The following CELF2 variants were observed in gnomAD, a reference collection of about 807,000 sequenced individuals.
The protein encoded by CELF2 is CUGBP Elav-like family member 2.
Under a neutral mutation model 62.6 loss-of-function variants are expected in CELF2, and 8 were observed. The observed-to-expected ratio is 0.13, with a 90% CI of 0.07 to 0.23. The LOEUF (loss-of-function observed/expected upper bound fraction) is 0.23, where lower values mean the gene tolerates loss of function less well. Ranked by LOEUF, CELF2 falls within the 10% of genes least tolerant of loss-of-function variation. The pLI is 1.00. For missense variants in CELF2, 333 were observed against 671.0 expected (o/e 0.50, Z 5.56); for synonymous variants, 258 against 250.0 (o/e 1.03, Z -0.30).
rs555711245 is a variant in CELF2 at position 10,885,242 on chromosome 10, C to CAA, written c.54-34713_54-34712dup. 5.9e-3 allele frequency among the ~76,000 whole-genome samples: 784 copies of CAA among 132,018 alleles called. 2 individuals carry two copies. The highest frequency in any genetic ancestry group is 0.021 in the African/African-American group (746 of 35,644). The allele number at this position is 132,018 out of a possible 152,430, so 86.6% of individuals were successfully genotyped here. On this transcript the variant is annotated intron_variant, in intron 1 of 13. Coordinates refer to the CELF2 transcript ENST00000636488. ...TGGGTGACAGGGTGAGACACTGTCT[C>CAA]AAAAAAAAAACAAAAAAGATAAAAT... is the stretch of plus-strand genomic sequence containing the variant.
chr10:10,714,197 CA>C, the CELF2 span, among the ~76,000 whole-genome samples: 881 of 152,254 alleles, frequency 5.8e-3, 2 homozygotes, highest in Non-Finnish European at 8.1e-3. Context: ...GAAATTCCCT[CA>C]AGAAAAGCTT....
At position 11,008,145 on chromosome 10, in the gene CELF2, C is replaced by A. The variant is rs767297919; in HGVS notation, c.53+2705C>A. ...TACGTAATCTGTATCCTTCCATAAG[C>A]CTCTATATGTAATGATTCCTCAAGG... On this transcript the variant is annotated intron_variant, in intron 1 of 12. Transcript: ENST00000416382. This position sits in a 1 kb window ranked among gnomAD's most constrained non-coding sequence, Gnocchi z 4.5. Among the ~76,000 whole-genome samples, 119 of 152,280 alleles carry A rather than the reference C, an allele frequency of 7.8e-4. 2 individuals carry two copies. The highest frequency in any genetic ancestry group is 1.5e-3 in the Non-Finnish European group (100 of 68,030).
the CELF2 span, among the ~76,000 whole-genome samples, chr10:10,547,692 A>AGAGTGT: frequency 4.3e-3 from 587 of 138,098 alleles, 5 homozygotes; most frequent in African/African-American, 0.015. Flanking sequence ...AGAGAGAGAG[A>AGAGTGT]GTGTGTGTGT....
At chr10:10,708,865 T>C in the CELF2 span, among the ~76,000 whole-genome samples, 110,445 of 152,036 alleles carry the variant, frequency 0.73, 40,334 homozygotes, top group South Asian at 0.83. Flanking sequence ...CACACACCCT[T>C]ACACACACGC....
chr10:10,605,122 GGACATGGATGAA>G, the CELF2 span, among the ~76,000 whole-genome samples: 1 of 152,176 alleles, frequency 6.6e-6, no homozygotes, highest in African/African-American at 2.4e-5. Context: ...TCCTTTGCAA[GGACATGGATGAA>G]GCTGGAAGGC....
At chr10:11,169,518 T>A (rs1468864148) in intron 2 of CELF2, among the ~76,000 whole-genome samples, 1 of 151,990 alleles carries the variant, frequency 6.6e-6, no homozygotes, top group African/African-American at 2.4e-5. Flanking sequence ...CTGGGAACTG[T>A]GAATTCTCCC....
At chr10:11,325,214 G>A (rs370924481) in intron 11 of CELF2, among the ~76,000 whole-genome samples, 2 of 152,160 alleles carry the variant, frequency 1.3e-5, no homozygotes, top group African/African-American at 4.8e-5. Flanking sequence ...CAAGGCTAAC[G>A]CCCAGGAGAG....
the CELF2 span, among the ~76,000 whole-genome samples, chr10:10,596,734 G>A: frequency 2.6e-5 from 4 of 152,336 alleles, no homozygotes; most frequent in South Asian, 2.1e-4. Flanking sequence ...AAGGAAAGCC[G>A]TGACCTCAGC....
the CELF2 span, among the ~76,000 whole-genome samples, chr10:10,736,680 G>C: frequency 1.3e-5 from 2 of 151,284 alleles, no homozygotes; most frequent in African/African-American, 4.9e-5. Flanking sequence ...GGAAAATAAA[G>C]AAAAAAAATG....
At position 11,302,811 on chromosome 10, in the gene CELF2, C is replaced by T. The variant is rs150007150; in HGVS notation, c.977-11328C>T. Reference sequence around the variant, plus strand: ...GACATGAGATTTTCACATTGTTCCGCTGTGCTGCGGACAGTGGAAGTTGGA... The same window carrying T: ...GACATGAGATTTTCACATTGTTCCGTTGTGCTGCGGACAGTGGAAGTTGGA... On this transcript the variant is annotated intron_variant, in intron 9 of 12. Transcript: ENST00000633077. This position sits in a 1 kb window ranked among gnomAD's most constrained non-coding sequence, Gnocchi z 5.0. Among the ~76,000 whole-genome samples, 575 of 152,320 alleles carry T rather than the reference C, an allele frequency of 3.8e-3. 3 individuals are homozygous for T. Among genetic ancestry groups the T allele is most frequent in the African/African-American group, 0.013 (549 of 41,564 alleles).
chr10:10,573,640 A>G, the CELF2 span, among the ~76,000 whole-genome samples: 2 of 152,178 alleles, frequency 1.3e-5, no homozygotes, highest in South Asian at 4.1e-4. Context: ...ATTGATTACA[A>G]ATAAAATATG....
In CELF2 at chr10:11,017,872, G is replaced by A; in HGVS notation, c.-218G>A. ...CGGCGGCGGGCGCCCCGCGAGCTCC[G>A]CCCCCGCCCGCCGCACCTGGCGCTC... is the stretch of plus-strand genomic sequence containing the variant. On this transcript the variant is annotated 5_prime_UTR_variant, in exon 1 of 13. Transcript: ENST00000633077. The surrounding 1 kb of genome is among the most constrained non-coding windows in gnomAD (Gnocchi z 5.5). 1 of 876,808 alleles carries A rather than the reference G, an allele frequency of 1.1e-6. No individual in the cohort carries two copies. Among genetic ancestry groups the A allele is most frequent in the Non-Finnish European group, 1.4e-6 (1 of 733,058 alleles). The allele number at this position is 876,808 out of a possible 1,614,324, so 54.3% of individuals were successfully genotyped here. A position where few individuals can be genotyped will look rare whatever the true frequency, so the allele number is the denominator to read the frequency against.
intron 2 of CELF2, among the ~76,000 whole-genome samples, chr10:11,188,573 T>A (rs2075579859): frequency 1.3e-5 from 2 of 152,188 alleles, no homozygotes; most frequent in African/African-American, 4.8e-5. Flanking sequence ...TCTCTTTATG[T>A]GACTGGGTTT....
intron 1 of CELF2, among the ~76,000 whole-genome samples, chr10:10,893,855 C>T (rs573468673): frequency 5.9e-5 from 9 of 152,246 alleles, no homozygotes; most frequent in East Asian, 1.9e-4. Context: ...TCATGAGAAA[C>T]CTCCCCCCAT....
At position 11,005,413 on chromosome 10, in the gene CELF2, C is replaced by G; in HGVS notation, c.26C>G (p.Thr9Ser). 1 of 1,613,898 alleles carries G rather than the reference C, an allele frequency of 6.2e-7. No individual in the cohort carries two copies. Among genetic ancestry groups the G allele is most frequent in the Non-Finnish European group, 8.5e-7 (1 of 1,179,848 alleles). The change falls in exon 1 of 13, where the codon ACT (threonine) becomes AGT (serine). Residue 9 changes from threonine to serine, a missense_variant. Coordinates refer to the CELF2 transcript ENST00000416382. The surrounding 1 kb of genome is among the most constrained non-coding windows in gnomAD (Gnocchi z 4.3). ...ATGCGCTGTCCCAAATCCGCTGTTA[C>G]TATGAGAAATGAAGAGCTGCTTTTA...
chr10:10,898,426 G>A (rs143133483), intron 1 of CELF2, among the ~76,000 whole-genome samples: 56 of 152,282 alleles, frequency 3.7e-4, no homozygotes, highest in African/African-American at 1.3e-3. Flanking sequence ...TCTTATATCA[G>A]CCCTAAGTAA....
chr10:10,826,126 T>G (rs1317592295), intron 1 of CELF2, among the ~76,000 whole-genome samples: 1 of 151,960 alleles, frequency 6.6e-6, no homozygotes, highest in African/African-American at 2.4e-5. Flanking sequence ...CTATTTTCAC[T>G]AAATAAATAT....
At chr10:10,788,904 C>T in the CELF2 span, 8 of 152,194 alleles carry the variant, frequency 5.3e-5, no homozygotes, top group Non-Finnish European at 1.0e-4. Flanking sequence ...CCCCTATCTT[C>T]GGAGAGCTCC....
At chr10:11,172,777 C>T (rs1395041034) in intron 2 of CELF2, among the ~76,000 whole-genome samples, 1 of 152,168 alleles carries the variant, frequency 6.6e-6, no homozygotes, top group Non-Finnish European at 1.5e-5. Context: ...CGCTTTTAAC[C>T]ATTTTGTTTT....
Sources: gnomAD v4.1 joint callset for allele counts (sites outside exome capture counted in the v4.1 genomes callset) on GRCh38, gnomAD v4.1.1 for gene constraint, Gnocchi (gnomAD v3.1) non-coding constraint, MANE v1.5 for transcripts, NCBI Gene and HGNC (gene_info 2026-07-23, HGNC 2026-07-21) for gene names.